Variants in SGCD observed in about 807,000 individuals in gnomAD.
SGCD encodes the protein delta-sarcoglycan.
SGCD carries 18 observed loss-of-function variants against 36.6 expected under a neutral mutation model. The observed-to-expected ratio is 0.49, with a 90% confidence interval of 0.34 to 0.73. The LOEUF is 0.73. Among genes scored for constraint, SGCD ranks in the 30% least tolerant of loss-of-function variants. The pLI, the probability that SGCD is intolerant of heterozygous loss-of-function variation, is 0.01. For missense variants in SGCD, 387 were observed against 346.7 expected, an observed-to-expected ratio of 1.12 and a Z score of -0.92; for synonymous variants, 133 against 130.6, an observed-to-expected ratio of 1.02 and a Z score of -0.12.
intron 3 of SGCD, among the ~76,000 whole-genome samples, chr5:156,198,526 G>A (rs935788200): frequency 2.0e-5 from 3 of 152,108 alleles, no homozygotes; most frequent in South Asian, 2.1e-4. Context: ...CTTAGTGAGC[G>A]AGTAGTTGGA....
At chr5:156,305,792 T>C (rs138228263) in intron 3 of SGCD, among the ~76,000 whole-genome samples, 73 of 152,320 alleles carry the variant, frequency 4.8e-4, no homozygotes, top group African/African-American at 1.4e-3. Flanking sequence ...CCCAAGACCA[T>C]GGGAACCCAC....
In SGCD at chr5:156,761,132, G is replaced by A. The variant is rs1212071722; in HGVS notation, c.*1742G>A. The A allele has an allele frequency of 6.6e-6, 1 of 152,208 alleles. No homozygotes were observed. The highest frequency in any genetic ancestry group is 1.5e-5 in the Non-Finnish European group (1 of 68,038). 9.4% of individuals were successfully genotyped at this position (152,208 alleles called of 1,614,324 possible). On this transcript the variant is annotated 3_prime_UTR_variant, in exon 9 of 9. Transcript: ENST00000337851. ...AAGCAAGGGAAGTTTTGTGATAGGA[G>A]AGAAATAAAAGATTTGATATTTTTT...
At chr5:156,151,112 G>A (rs2127614857) in intron 3 of SGCD, among the ~76,000 whole-genome samples, 1 of 151,884 alleles carries the variant, frequency 6.6e-6, no homozygotes, top group Non-Finnish European at 1.5e-5. Flanking sequence ...GGGAGCCAAT[G>A]GAGATAGATG....
intron 3 of SGCD, among the ~76,000 whole-genome samples, chr5:156,432,075 G>C (rs1753039032): frequency 6.6e-6 from 1 of 152,190 alleles, no homozygotes; most frequent in African/African-American, 2.4e-5. Flanking sequence ...ACGAGGCTCT[G>C]GGCCGGTACT....
chr5:156,388,229 A>C (rs1771378465), intron 3 of SGCD, among the ~76,000 whole-genome samples: 1 of 152,226 alleles, frequency 6.6e-6, no homozygotes, highest in African/African-American at 2.4e-5. Flanking sequence ...TGAGAAATTC[A>C]AGAAGTGAGT....
At chr5:156,599,776 G>A (rs1283431540) in intron 6 of SGCD, among the ~76,000 whole-genome samples, 1 of 152,232 alleles carries the variant, frequency 6.6e-6, no homozygotes, top group African/African-American at 2.4e-5. Context: ...GAGCAACCAA[G>A]AGCCATGCAG....
chr5:156,685,154 G>A (rs947945605), intron 7 of SGCD, among the ~76,000 whole-genome samples: 5 of 152,130 alleles, frequency 3.3e-5, no homozygotes, highest in Admixed American at 6.5e-5. Context: ...GGCAGATGCT[G>A]AAAGGAAATG....
At chr5:156,577,435 T>A (rs1463603441) in intron 4 of SGCD, among the ~76,000 whole-genome samples, 1 of 152,234 alleles carries the variant, frequency 6.6e-6, no homozygotes, top group Non-Finnish European at 1.5e-5. Context: ...TAAAGTAGTT[T>A]TTTCCAATTC....
chr5:156,203,332 A>G (rs1046500222), intron 3 of SGCD, among the ~76,000 whole-genome samples: 3 of 152,138 alleles, frequency 2.0e-5, no homozygotes, highest in African/African-American at 7.2e-5. Context: ...GAAGACCACA[A>G]CATAACAGTA....
chr5:156,364,369 A>G (rs1445113099), intron 3 of SGCD, among the ~76,000 whole-genome samples: 1 of 148,712 alleles, frequency 6.7e-6, no homozygotes. Flanking sequence ...TCAGGGCTAC[A>G]TTTTTTTTTT....
At chr5:156,315,155 C>T (rs567757083) in intron 3 of SGCD, among the ~76,000 whole-genome samples, 9 of 151,992 alleles carry the variant, frequency 5.9e-5, no homozygotes, top group African/African-American at 2.2e-4. Context: ...GTCTCCAATA[C>T]CTATTCATTT....
chr5:156,740,730 CAACCACCTCCTT>C (rs1756627625), intron 7 of SGCD, among the ~76,000 whole-genome samples: 1 of 152,182 alleles, frequency 6.6e-6, no homozygotes, highest in Non-Finnish European at 1.5e-5. Flanking sequence ...CAATGGTTCT[CAACCACCTCCTT>C]AAAGAAAAAA....
At chr5:156,451,468 A>G (rs1754011406) in intron 3 of SGCD, among the ~76,000 whole-genome samples, 1 of 152,160 alleles carries the variant, frequency 6.6e-6, no homozygotes, top group East Asian at 1.9e-4. Flanking sequence ...TACTCCAGAT[A>G]CCAAAATCTT....
intron 3 of SGCD, chr5:156,393,864 T>C: frequency 2.2e-6 from 1 of 456,098 alleles, no homozygotes; most frequent in South Asian, 1.5e-5. Context: ...ACTTTGCTGC[T>C]GGTGAGTTTT....
intron 7 of SGCD, among the ~76,000 whole-genome samples, chr5:156,652,824 A>G (rs1458938547): frequency 6.6e-6 from 1 of 151,894 alleles, no homozygotes; most frequent in Non-Finnish European, 1.5e-5. Context: ...GATTTTATTG[A>G]ATGCTTTTTC....
At chr5:156,163,227 G>A (rs980578990) in intron 3 of SGCD, among the ~76,000 whole-genome samples, 13 of 151,630 alleles carry the variant, frequency 8.6e-5, no homozygotes, top group Non-Finnish European at 1.8e-4. Context: ...ACTAAGGATT[G>A]AGGAAGATAC....
intron 7 of SGCD, among the ~76,000 whole-genome samples, chr5:156,733,197 T>TATCA (rs915928746): frequency 5.1e-4 from 77 of 152,290 alleles, no homozygotes; most frequent in African/African-American, 1.8e-3. Context: ...CATTTAGCGC[T>TATCA]ATCAATTTCC....
chr5:155,736,849 A>G, the SGCD span, among the ~76,000 whole-genome samples: 1 of 152,244 alleles, frequency 6.6e-6, no homozygotes, highest in Non-Finnish European at 1.5e-5. Flanking sequence ...AGGAATTAAT[A>G]AATCACCACA....
intron 3 of SGCD, among the ~76,000 whole-genome samples, chr5:156,242,050 C>T (rs1168318453): frequency 3.3e-5 from 5 of 152,114 alleles, no homozygotes; most frequent in Admixed American, 3.3e-4. Flanking sequence ...ATACAAAAAT[C>T]CTACTTACGA....
Sources: gnomAD v4.1 joint callset for allele counts (sites outside exome capture counted in the v4.1 genomes callset) on GRCh38, gnomAD v4.1.1 for gene constraint, MANE v1.5 for transcripts, NCBI Gene and HGNC (gene_info 2026-07-23, HGNC 2026-07-21) for gene names.